Variants in PTPRU observed in about 807,000 individuals in gnomAD.
PTPRU encodes receptor-type tyrosine-protein phosphatase U.
In PTPRU, 69 loss-of-function variants were observed where a neutral mutation model predicts 166.3. The observed-to-expected ratio is 0.41, with a 90% CI of 0.34 to 0.51. The LOEUF (loss-of-function observed/expected upper bound fraction) is 0.51. Among genes scored for constraint, PTPRU ranks in the 20% least tolerant of loss-of-function variants. The probability of loss-of-function intolerance (pLI) is 0.09; values close to 1 mark genes in which losing one functional copy is unlikely to be tolerated. For missense variants in PTPRU, 1,657 were observed against 2,013.7 expected, an observed-to-expected ratio of 0.82 and a Z score of 3.39; for synonymous variants, 793 against 814.0, an observed-to-expected ratio of 0.97 and a Z score of 0.44.
chr1:29,323,747 G>A lies in PTPRU; in HGVS notation c.4071G>A (p.Trp1357Ter). ...FLHLLAEVDK[W>*]QAESGDGRTI... The stretch of plus-strand genomic sequence containing the variant: ...ACCTGCTGGCTGAGGTGGACAAGTG[G>A]CAGGCCGAGAGTGGGGATGGGCGCA... The change falls in exon 28 of 30, where the codon TGG (tryptophan) becomes TGA (stop). Residue 1357 changes from tryptophan to a stop codon, truncating the protein, a stop_gained. Transcript: ENST00000373779. LOFTEE classifies it high-confidence loss of function. 1 of 1,614,180 alleles carries A rather than the reference G, an allele frequency of 6.2e-7. No individual in the cohort carries two copies. The highest frequency in any genetic ancestry group is 8.5e-7 in the Non-Finnish European group (1 of 1,180,002).
chr1:29,321,921 G>A (rs1445046262), intron 26 of PTPRU, among the ~76,000 whole-genome samples: 1 of 152,216 alleles, frequency 6.6e-6, no homozygotes, highest in East Asian at 1.9e-4. Flanking sequence ...AAGAAGTACA[G>A]ATACCCAGCC....
rs1466998370 is a variant in PTPRU, at chr1:29,295,042, TC to T, written c.2476+3017del. The stretch of plus-strand genomic sequence containing the variant: ...TGGCTATTTTTGTTTTCATTCTCTC[TC>T]TCTGTCTTAATGAGATAGGATCTAG... On this transcript the variant is annotated intron_variant, in intron 15 of 29. Transcript: ENST00000373779. Among the ~76,000 whole-genome samples, 12 of 152,160 alleles carry T rather than the reference TC, an allele frequency of 7.9e-5. No homozygotes were observed. In the East Asian group the frequency reaches 9.6e-4, roughly 12 times the overall value.
At chr1:29,243,583 G>T (rs1180419811) in intron 1 of PTPRU, among the ~76,000 whole-genome samples, 1 of 152,232 alleles carries the variant, frequency 6.6e-6, no homozygotes, top group African/African-American at 2.4e-5. Flanking sequence ...CAGCTCCATT[G>T]TCACTGATGC....
At position 29,238,031 on chromosome 1, in the gene PTPRU, G is replaced by T. The variant is rs937542023; in HGVS notation, c.73+1314G>T. On this transcript the variant is annotated intron_variant, in intron 1 of 29. Transcript: ENST00000373779. The surrounding 1 kb of genome is among the most constrained non-coding windows in gnomAD (Gnocchi z 6.1). ...CTCCCTTGGTGGAGCCTGCAACTTT[G>T]TGCGGCCTCCCGGCCGGCCGGGACC... Among the ~76,000 whole-genome samples the T allele has an allele frequency of 6.6e-6, 1 of 151,528 alleles. No individual in the cohort carries two copies. Among genetic ancestry groups the T allele is most frequent in the Non-Finnish European group, 1.5e-5 (1 of 67,788 alleles).
chr1:29,298,785 C>A (rs1687010312), intron 15 of PTPRU, among the ~76,000 whole-genome samples: 1 of 152,136 alleles, frequency 6.6e-6, no homozygotes, highest in South Asian at 2.1e-4. Flanking sequence ...GGGTTTGAAT[C>A]CTAGTGCTTC....
chr1:29,298,551 G>A (rs750323302), intron 15 of PTPRU, among the ~76,000 whole-genome samples: 9 of 152,202 alleles, frequency 5.9e-5, no homozygotes, highest in Admixed American at 2.6e-4. Flanking sequence ...CCAAGGTGTT[G>A]GAATGAGCCC....
chr1:29,308,585 A>AAAAG (rs1003417351), intron 18 of PTPRU, among the ~76,000 whole-genome samples: 1 of 150,504 alleles, frequency 6.6e-6, no homozygotes, highest in Non-Finnish European at 1.5e-5. Flanking sequence ...AAAAAAAAAA[A>AAAAG]AGAGAGAGAG....
At chr1:29,292,305 C>T (rs901834241) in intron 15 of PTPRU, among the ~76,000 whole-genome samples, 7 of 152,146 alleles carry the variant, frequency 4.6e-5, no homozygotes, top group Non-Finnish European at 1.5e-5. Flanking sequence ...TCAGAGGGAT[C>T]AGAGTGGCCT....
chr1:29,263,046 G>A (rs1055816288), intron 7 of PTPRU, among the ~76,000 whole-genome samples: 6 of 152,080 alleles, frequency 3.9e-5, no homozygotes, highest in African/African-American at 1.4e-4. Context: ...GTGCAGTGGC[G>A]TGATCTCGGC....
intron 8 of PTPRU, among the ~76,000 whole-genome samples, chr1:29,276,598 A>G (rs1201807484): frequency 1.3e-5 from 2 of 152,184 alleles, no homozygotes; most frequent in Non-Finnish European, 2.9e-5. Context: ...GATTACAGGC[A>G]TGAGCCACTT....
Position 29,260,385 on chromosome 1 carries a change from G to A in PTPRU, c.851-225G>A. 4.1e-6 allele frequency: 2 copies of A among 483,268 alleles called. No homozygotes were observed. Among genetic ancestry groups the A allele is most frequent in the Non-Finnish European group, 7.1e-6 (2 of 281,090 alleles). The allele number at this position is 483,268 out of a possible 1,614,324, so 29.9% of individuals were successfully genotyped here. On this transcript the variant is annotated intron_variant, in intron 6 of 29. Transcript: ENST00000373779. The surrounding 1 kb of genome is among the most constrained non-coding windows in gnomAD (Gnocchi z 8.3). ...GGGATTAGGAGGGGCCTGAGAGAGG[G>A]GTTGTGGGCTGATGGGCGAGGGCGG...
Position 29,326,135 on chromosome 1 carries a change from C to G in PTPRU, c.*474C>G, listed in dbSNP as rs1476674243. On this transcript the variant is annotated 3_prime_UTR_variant, in exon 30 of 30. Transcript: ENST00000373779. ...TTGGCATTTAGGATTCCATCTGGCCCAGCCCCTGAAGGTCCTGGGGAAGCA... is the reference window on the plus strand; with the variant it reads ...TTGGCATTTAGGATTCCATCTGGCCGAGCCCCTGAAGGTCCTGGGGAAGCA... The G allele has an allele frequency of 2.7e-6, 1 of 368,208 alleles. No homozygotes were observed. The highest frequency in any genetic ancestry group is 4.8e-6 in the Non-Finnish European group (1 of 207,136). 22.8% of individuals were successfully genotyped at this position (368,208 alleles called of 1,614,324 possible). A position where few individuals can be genotyped will look rare whatever the true frequency, so the allele number is the denominator to read the frequency against.
rs771540763 is a variant in PTPRU at position 29,283,971 on chromosome 1, G to A, written c.2174G>A (p.Arg725Lys). The A allele has an allele frequency of 1.1e-5, 18 of 1,613,662 alleles. No individual in the cohort carries two copies. The African/African-American group carries it at 1.9e-4, about 17-fold the overall frequency. ...ETRLNCIRIA[R>K]KAACKESKRP... Reference sequence around the variant, plus strand: ...CGGCTGAATTGCATCCGCATTGCCAGGAAAGGTAAGTCCGCTGAGTTCCTG... The same window carrying A: ...CGGCTGAATTGCATCCGCATTGCCAAGAAAGGTAAGTCCGCTGAGTTCCTG... The change falls in exon 13 of 30, where the codon AGG (arginine) becomes AAG (lysine). Residue 725 changes from arginine (R) to lysine (K), a missense_variant. Around this residue, in one of 3 missense-constraint regions of PTPRU, gnomAD observed 1,190 missense variants for 1,477.4 expected, o/e 0.81. Coordinates refer to ENST00000373779, the MANE Select transcript of PTPRU (RefSeq NM_133178.4).
rs1323107736 is a variant in PTPRU, at chr1:29,259,950, T to G, written c.756T>G (p.Ala252=). The change falls in exon 6 of 30, where the codon GCT becomes GCG. Residue 252 remains alanine, a synonymous_variant. Coordinates refer to ENST00000373779, the MANE Select transcript of PTPRU (RefSeq NM_133178.4). ...HRRFLATFPL[A]AVSRAEQDLY... Reference sequence around the variant, plus strand: ...GCTTCCTGGCCACTTTCCCGCTGGCTGCCGTGAGCCGCGCCGAGCAGGACC... The same window carrying G: ...GCTTCCTGGCCACTTTCCCGCTGGCGGCCGTGAGCCGCGCCGAGCAGGACC... 1.9e-6 allele frequency: 3 copies of G among 1,540,106 alleles called. No individual in the cohort carries two copies. The South Asian group carries it at 3.6e-5, about 18-fold the overall frequency.
chr1:29,270,870 G>A (rs540738781), intron 7 of PTPRU, among the ~76,000 whole-genome samples: 1 of 152,324 alleles, frequency 6.6e-6, no homozygotes, highest in South Asian at 2.1e-4. Flanking sequence ...TCAGGAAGGT[G>A]AGGTGGGAGG....
Position 29,257,806 on chromosome 1 carries a change from G to A in PTPRU, c.206-699G>A, listed in dbSNP as rs1371120476. 6.6e-6 allele frequency among the ~76,000 whole-genome samples: 1 copy of A among 152,114 alleles called. No individual in the cohort carries two copies. The highest frequency in any genetic ancestry group is 6.5e-5 in the Admixed American group (1 of 15,280). On this transcript the variant is annotated intron_variant, in intron 2 of 29. Transcript: ENST00000373779. This position sits in a 1 kb window ranked among gnomAD's most constrained non-coding sequence, Gnocchi z 4.6. ...GCCCAGGGTGGGAGGCAGAGGGAGG[G>A]CTTTGGAAGGGGTGGCCTTTGAGGG...
chr1:29,250,443 G>A (rs564623621), intron 1 of PTPRU, among the ~76,000 whole-genome samples: 4 of 152,200 alleles, frequency 2.6e-5, no homozygotes, highest in Admixed American at 1.3e-4. Flanking sequence ...TAGCTGCATG[G>A]CCTTGAGTAA....
At chr1:29,314,518 A>G (rs1220533490) in intron 22 of PTPRU, among the ~76,000 whole-genome samples, 1 of 152,150 alleles carries the variant, frequency 6.6e-6, no homozygotes, top group Non-Finnish European at 1.5e-5. Context: ...CCCCCAGTCA[A>G]GTTAGGGAGA....
chr1:29,324,152 C>G (rs1231019221), intron 28 of PTPRU, among the ~76,000 whole-genome samples: 3 of 152,194 alleles, frequency 2.0e-5, no homozygotes, highest in Non-Finnish European at 4.4e-5. Flanking sequence ...CTTTTTCCAT[C>G]CATCCATCCA....
Sources: gnomAD v4.1 joint callset for allele counts (sites outside exome capture counted in the v4.1 genomes callset) on GRCh38, gnomAD v4.1.1 for gene constraint, gnomAD v4.1.1 regional missense constraint, Gnocchi (gnomAD v3.1) non-coding constraint, MANE v1.5 for transcripts, NCBI Gene and HGNC (gene_info 2026-07-23, HGNC 2026-07-21) for gene names.